The following CDC14A variants were observed in gnomAD, a reference collection of about 807,000 sequenced individuals.
The protein encoded by CDC14A is dual specificity protein phosphatase CDC14A.
Under a neutral mutation model 74.4 loss-of-function variants are expected in CDC14A, and 53 were observed. The observed-to-expected ratio is 0.71, with a 90% confidence interval of 0.57 to 0.89. The LOEUF is 0.89. Ranked by LOEUF, CDC14A falls within the 40% of genes least tolerant of loss-of-function variation. The probability of loss-of-function intolerance (pLI) is 0.00; values close to 1 mark genes in which losing one functional copy is unlikely to be tolerated. For missense variants in CDC14A, 646 were observed against 713.7 expected (o/e 0.91, Z 1.08); for synonymous variants, 247 against 258.4 (o/e 0.96, Z 0.43).
intron 6 of CDC14A, 43 bp downstream of exon 6, chr1:100,440,041 AAAAAT>A (rs1664756586): frequency 1.4e-6 from 2 of 1,407,314 alleles, no homozygotes; most frequent in African/African-American, 1.4e-5. Flanking sequence ...AGTAGTTTAA[AAAAAT>A]ATGAGAAAGG....
At chr1:100,354,779 T>C (rs998455560) in intron 2 of CDC14A, among the ~76,000 whole-genome samples, 3 of 152,214 alleles carry the variant, frequency 2.0e-5, no homozygotes, top group African/African-American at 2.4e-5. Context: ...TAAATGAACA[T>C]AGTTAAATTA....
At chr1:100,486,223 T>C (rs1419210064) in intron 11 of CDC14A, among the ~76,000 whole-genome samples, 4 of 152,162 alleles carry the variant, frequency 2.6e-5, no homozygotes, top group Non-Finnish European at 5.9e-5. Flanking sequence ...TGCAGGAACA[T>C]AGTACTTTCT....
At chr1:100,483,950 A>T (rs1669775305) in intron 10 of CDC14A, among the ~76,000 whole-genome samples, 2 of 152,162 alleles carry the variant, frequency 1.3e-5, no homozygotes, top group African/African-American at 2.4e-5. Context: ...TCAAATTGCT[A>T]TTTGAGAAAT....
In CDC14A at chr1:100,464,068, C is replaced by T. The variant is rs565872949; in HGVS notation, c.838+1187C>T. ...TTGGTTCTGACAGAAATTAAAATGC[C>T]GTTTTGTAGGCCCTTGTTTCTATGT... On this transcript the variant is annotated intron_variant, in intron 9 of 15. Coordinates refer to ENST00000336454, the MANE Select transcript of CDC14A (RefSeq NM_003672.4). 1.9e-4 allele frequency among the ~76,000 whole-genome samples: 29 copies of T among 152,242 alleles called. 1 individual carries two copies. The South Asian group carries it at 5.2e-3, about 27-fold the overall frequency.
chr1:100,354,724 A>G (rs530398779), intron 2 of CDC14A, among the ~76,000 whole-genome samples: 1 of 152,346 alleles, frequency 6.6e-6, no homozygotes, highest in East Asian at 1.9e-4. Flanking sequence ...AATATATTCT[A>G]TTTTAAACGT....
At chr1:100,424,138 G>C (rs940451106) in intron 4 of CDC14A, 84 bp from the exon 5 acceptor site, 2 of 935,908 alleles carry the variant, frequency 2.1e-6, no homozygotes, top group African/African-American at 3.2e-5. Flanking sequence ...CACTCAAAGT[G>C]GAGGAAGTGA....
chr1:100,444,482 G>A (rs1289380542), intron 7 of CDC14A, among the ~76,000 whole-genome samples: 1 of 152,134 alleles, frequency 6.6e-6, no homozygotes, highest in Non-Finnish European at 1.5e-5. Flanking sequence ...ATTCTTAGCT[G>A]TGATGAGCTC....
At chr1:100,464,721 A>G (rs1238332945) in intron 9 of CDC14A, among the ~76,000 whole-genome samples, 2 of 152,186 alleles carry the variant, frequency 1.3e-5, no homozygotes, top group Non-Finnish European at 2.9e-5. Flanking sequence ...GACACATTCA[A>G]AGGAGAAGAA....
intron 4 of CDC14A, among the ~76,000 whole-genome samples, chr1:100,392,835 A>G (rs1306505032): frequency 6.6e-6 from 1 of 152,202 alleles, no homozygotes; most frequent in Non-Finnish European, 1.5e-5. Flanking sequence ...TTTTATGGCT[A>G]TAAAAATATC....
upstream of CDC14A, among the ~76,000 whole-genome samples, chr1:100,350,813 TA>T (rs886161882): frequency 1.3e-5 from 2 of 152,268 alleles, no homozygotes; most frequent in African/African-American, 4.8e-5. Flanking sequence ...TTTAGCCTTT[TA>T]AACAAAGTGG....
chr1:100,504,475 A>G (rs942643750), intron 15 of CDC14A, among the ~76,000 whole-genome samples: 1 of 152,220 alleles, frequency 6.6e-6, no homozygotes, highest in Non-Finnish European at 1.5e-5. Flanking sequence ...GCCAGATAGT[A>G]AAGATTTTTA....
At chr1:100,504,225 T>C (rs559801990) in intron 15 of CDC14A, among the ~76,000 whole-genome samples, 7 of 152,354 alleles carry the variant, frequency 4.6e-5, no homozygotes, top group African/African-American at 1.7e-4. Context: ...TTATAGCCTG[T>C]AATAAGCTTT....
At chr1:100,514,469 T>C (rs1254520082) in intron 15 of CDC14A, among the ~76,000 whole-genome samples, 1 of 152,190 alleles carries the variant, frequency 6.6e-6, no homozygotes, top group East Asian at 1.9e-4. Flanking sequence ...ATATCTTGCC[T>C]AAGGTCATTA....
intron 2 of CDC14A, among the ~76,000 whole-genome samples, chr1:100,375,849 G>A (rs905346940): frequency 3.3e-5 from 5 of 152,134 alleles, no homozygotes; most frequent in South Asian, 2.1e-4. Context: ...ACATTCACAC[G>A]TATGTTTATT....
intron 11 of CDC14A, among the ~76,000 whole-genome samples, chr1:100,486,997 TA>T (rs1254854204): frequency 2.6e-5 from 4 of 152,218 alleles, no homozygotes; most frequent in Admixed American, 2.6e-4. Context: ...ATTATTCTTA[TA>T]AATTGCACAT....
At chr1:100,497,959 T>C (rs1648115283) in intron 13 of CDC14A, 126 bp from the exon 14 acceptor site, 2 of 947,520 alleles carry the variant, frequency 2.1e-6, no homozygotes, top group South Asian at 3.4e-5. Flanking sequence ...CTGCCGCTGC[T>C]GTCATCACTA....
rs372206893 is a variant in CDC14A at position 100,420,065 on chromosome 1, T to C, written c.310-4157T>C. Among the ~76,000 whole-genome samples the C allele has an allele frequency of 1.5e-3, 106 of 70,586 alleles. 3 individuals carry two copies. Among genetic ancestry groups the C allele is most frequent in the Non-Finnish European group, 2.9e-3 (82 of 28,134 alleles). The allele number at this position is 70,586 out of a possible 152,430, so 46.3% of individuals were successfully genotyped here. On this transcript the variant is annotated intron_variant, in intron 4 of 15. Transcript: ENST00000336454. ...ACACACACACACACACACACACACA[T>C]ATATATATATATATATAGTGTGTAT...
chr1:100,372,107 A>G (rs569667771), intron 2 of CDC14A, among the ~76,000 whole-genome samples: 24 of 152,236 alleles, frequency 1.6e-4, no homozygotes, highest in Non-Finnish European at 2.9e-4. Context: ...CATTGTGTCT[A>G]AGAAAGCAAT....
At position 100,365,941 on chromosome 1, in the gene CDC14A, TACACACACAC is replaced by T. The variant is rs34281009; in HGVS notation, c.141-11578_141-11569del. Among the ~76,000 whole-genome samples, 360 of 142,498 alleles carry T rather than the reference TACACACACAC, an allele frequency of 2.5e-3. 2 individuals are homozygous for T. The highest frequency in any genetic ancestry group is 4.6e-3 in the Non-Finnish European group (300 of 64,858). 93.5% of individuals were successfully genotyped at this position (142,498 alleles called of 152,430 possible). A position where few individuals can be genotyped will look rare whatever the true frequency, so the allele number is the denominator to read the frequency against. ...TTGCTGATCAATTTCAACAAAATTTTACACACACACACACACACACACACACACACACACA... is the reference window on the plus strand; with the variant it reads ...TTGCTGATCAATTTCAACAAAATTTTACACACACACACACACACACACACA... On this transcript the variant is annotated intron_variant, in intron 2 of 15. Coordinates refer to ENST00000336454, the MANE Select transcript of CDC14A (RefSeq NM_003672.4).
Sources: allele counts gnomAD v4.1 joint callset (sites outside exome capture counted in the v4.1 genomes callset), GRCh38; gene constraint gnomAD v4.1.1; transcripts MANE v1.5; gene names NCBI Gene and HGNC (gene_info 2026-07-23, HGNC 2026-07-21).